LMO1: variants seen among roughly 807,000 people sequenced by gnomAD.
LMO1 encodes rhombotin-1.
LMO1 carries 10 observed loss-of-function variants against 18.0 expected under a neutral mutation model. That is an observed-to-expected ratio of 0.55 (90% CI 0.34 to 0.94). The LOEUF is 0.94. LMO1 is among the 40% of genes least tolerant of loss of function. The pLI, the probability that LMO1 is intolerant of heterozygous loss-of-function variation, is 0.02. For synonymous variants in LMO1, 77 were observed against 77.9 expected, an observed-to-expected ratio of 0.99 and a Z score of 0.06; for missense variants, 183 against 205.7, an observed-to-expected ratio of 0.89 and a Z score of 0.68.
At chr11:8,267,849 C>T (rs1392965785), upstream of LMO1, among the ~76,000 whole-genome samples, 2 of 152,250 alleles carry the variant, frequency 1.3e-5, no homozygotes, top group Non-Finnish European at 2.9e-5. Context: ...GATGGCAGTT[C>T]CCTCCCTAGC....
intron 1 of LMO1, among the ~76,000 whole-genome samples, chr11:8,249,562 C>A (rs1437328232): frequency 6.6e-6 from 1 of 152,230 alleles, no homozygotes; most frequent in African/African-American, 2.4e-5. Context: ...ATACCCCGAA[C>A]CTCAGCATCA....
At chr11:8,262,831 T>C (rs1037298653) in intron 1 of LMO1, among the ~76,000 whole-genome samples, 1 of 152,018 alleles carries the variant, frequency 6.6e-6, no homozygotes, top group African/African-American at 2.4e-5. Flanking sequence ...ACCCTGGCGC[T>C]CGCGCCGTCC....
chr11:8,263,988 T>A, upstream of LMO1: 2 of 474,888 alleles, frequency 4.2e-6, no homozygotes, highest in Non-Finnish European at 5.6e-6. Context: ...CAGCGCCACC[T>A]GGAGGCTTCT....
chr11:8,268,398 G>C, upstream of LMO1: 1 of 1,466,556 alleles, frequency 6.8e-7, no homozygotes, highest in African/African-American at 1.5e-5. Context: ...CGTGCCCCCG[G>C]GCACCGGCAC....
At chr11:8,253,161 C>T (rs535494129) in intron 1 of LMO1, among the ~76,000 whole-genome samples, 1 of 152,170 alleles carries the variant, frequency 6.6e-6, no homozygotes, top group South Asian at 2.1e-4. Context: ...GCTGGGCAGA[C>T]GAGGAAAGTG....
In LMO1 at chr11:8,263,776, G is replaced by A; in HGVS notation, c.-414C>T. The A allele has an allele frequency of 9.3e-7, 1 of 1,076,880 alleles. No homozygotes were observed. Among genetic ancestry groups the A allele is most frequent in the Non-Finnish European group, 1.1e-6 (1 of 887,962 alleles). The allele number at this position is 1,076,880 out of a possible 1,614,324, so 66.7% of individuals were successfully genotyped here. ...ACGACACAGCTTTCAGCCTCATAAA[G>A]TGTTTTCCCCTCGGATTTAATCTGA... On this transcript the variant is annotated 5_prime_UTR_variant, in exon 1 of 4. Transcript: ENST00000335790.
At chr11:8,256,654 C>A (rs1847103127) in intron 1 of LMO1, among the ~76,000 whole-genome samples, 1 of 151,988 alleles carries the variant, frequency 6.6e-6, no homozygotes, top group African/African-American at 2.4e-5. Flanking sequence ...CAGTAGCGAA[C>A]AAGCTTGTTG....
Position 8,260,581 on chromosome 11 carries a change from A to G in LMO1, c.25+2757T>C, listed in dbSNP as rs533619845. The stretch of plus-strand genomic sequence containing the variant: ...AATGCACTGTGCTTAAAAGCAAAAA[A>G]AAATTTTTTTTTTCTGACGATTCAA... On this transcript the variant is annotated intron_variant, in intron 1 of 3. Coordinates refer to ENST00000335790, the MANE Select transcript of LMO1 (RefSeq NM_002315.3). Among the ~76,000 whole-genome samples the G allele has an allele frequency of 4.5e-3, 507 of 113,682 alleles. 5 individuals are homozygous for G. Among genetic ancestry groups the G allele is most frequent in the African/African-American group, 0.013 (478 of 37,366 alleles). The allele number at this position is 113,682 out of a possible 152,430, so 74.6% of individuals were successfully genotyped here.
rs1386473116 is a variant in LMO1, at chr11:8,263,027, C to T, written c.25+311G>A. 3.9e-5 allele frequency among the ~76,000 whole-genome samples: 6 copies of T among 152,174 alleles called. No homozygotes were observed. The South Asian group carries it at 1.2e-3, about 32-fold the overall frequency. ...CCGCGGCGCGGAGATCGCAAGGGAG[C>T]CCCAGCCTCCGCGCGGCCCCGCGGC... On this transcript the variant is annotated intron_variant, in intron 1 of 3. Coordinates refer to ENST00000335790, the MANE Select transcript of LMO1 (RefSeq NM_002315.3).
At chr11:8,228,741 A>G (rs1952596937) in intron 2 of LMO1, among the ~76,000 whole-genome samples, 1 of 151,680 alleles carries the variant, frequency 6.6e-6, no homozygotes, top group South Asian at 2.1e-4. Context: ...AGCCCATCCT[A>G]CACTGTGGGC....
intron 3 of LMO1, 136 bp from the exon 4 acceptor site, chr11:8,224,857 C>A: frequency 1.5e-6 from 1 of 650,302 alleles, no homozygotes; most frequent in South Asian, 1.8e-5. Flanking sequence ...CTTGAACCTT[C>A]CAGAGGGAAC....
At chr11:8,246,610 ATG>A (rs1237115003) in intron 1 of LMO1, among the ~76,000 whole-genome samples, 2 of 152,248 alleles carry the variant, frequency 1.3e-5, no homozygotes, top group Non-Finnish European at 2.9e-5. Flanking sequence ...GATAATGGTG[ATG>A]ACTGCATAAC....
intron 1 of LMO1, among the ~76,000 whole-genome samples, chr11:8,260,110 C>T (rs1402936353): frequency 5.3e-5 from 8 of 152,110 alleles, no homozygotes; most frequent in Non-Finnish European, 1.0e-4. Flanking sequence ...CCTGCCCAGT[C>T]CCCCACAGAC....
chr11:8,268,718 G>A (rs1434607237), upstream of LMO1: 4 of 235,480 alleles, frequency 1.7e-5, no homozygotes, highest in African/African-American at 4.6e-5. Context: ...TGCCCGGGCC[G>A]GGCCGCAGCC....
At chr11:8,267,937 G>A (rs1474863784), upstream of LMO1, among the ~76,000 whole-genome samples, 4 of 152,192 alleles carry the variant, frequency 2.6e-5, no homozygotes, top group Admixed American at 2.0e-4. Flanking sequence ...CTGGTTTGAC[G>A]GCACCCTCAC....
intron 2 of LMO1, 54 bp from the exon 3 acceptor site, chr11:8,227,154 CA>C: frequency 1.3e-6 from 2 of 1,579,708 alleles, no homozygotes; most frequent in Non-Finnish European, 1.7e-6. Flanking sequence ...GCTGGGTGGG[CA>C]GGGGGAAAGG....
intron 1 of LMO1, among the ~76,000 whole-genome samples, chr11:8,240,400 T>C (rs552252948): frequency 1.3e-5 from 2 of 152,336 alleles, no homozygotes; most frequent in African/African-American, 2.4e-5. Context: ...CAGATCTTCC[T>C]TGTTGAGGGA....
At chr11:8,259,356 A>G (rs1847149265) in intron 1 of LMO1, among the ~76,000 whole-genome samples, 1 of 151,906 alleles carries the variant, frequency 6.6e-6, no homozygotes, top group African/African-American at 2.4e-5. Context: ...CTTTACAGAC[A>G]CTCTGCCTGG....
At chr11:8,259,918 T>A (rs1847157680) in intron 1 of LMO1, among the ~76,000 whole-genome samples, 2 of 152,128 alleles carry the variant, frequency 1.3e-5, no homozygotes, top group Non-Finnish European at 2.9e-5. Context: ...CATTTTTACT[T>A]ATTAAAAATG....
Sources: gnomAD v4.1 joint callset for allele counts (sites outside exome capture counted in the v4.1 genomes callset) on GRCh38, gnomAD v4.1.1 for gene constraint, MANE v1.5 for transcripts, NCBI Gene and HGNC (gene_info 2026-07-23, HGNC 2026-07-21) for gene names.